The following REDIC1 variants were observed in gnomAD, a reference collection of about 807,000 sequenced individuals.
REDIC1 encodes HEI10 Interacting Protein 1.
the REDIC1 span, among the ~76,000 whole-genome samples, chr12:39,713,462 G>C: frequency 1.4e-5 from 2 of 147,122 alleles, no homozygotes. Context: ...ACATACATTT[G>C]TATATATACA....
chr12:39,763,720 C>T, the REDIC1 span, among the ~76,000 whole-genome samples: 2 of 152,070 alleles, frequency 1.3e-5, no homozygotes, highest in Non-Finnish European at 2.9e-5. Flanking sequence ...TAGAATGAAA[C>T]CTCATACTTC....
At chr12:39,820,941 C>G in the REDIC1 span, among the ~76,000 whole-genome samples, 1 of 151,674 alleles carries the variant, frequency 6.6e-6, no homozygotes, top group Non-Finnish European at 1.5e-5. Context: ...CACATTAGCC[C>G]CTACTTAAAA....
the REDIC1 span, among the ~76,000 whole-genome samples, chr12:39,906,510 G>C: frequency 6.6e-6 from 1 of 151,834 alleles, no homozygotes; most frequent in Non-Finnish European, 1.5e-5. Context: ...TATGAAACTT[G>C]AAAAAAACAG....
chr12:39,757,230 T>TATCA, the REDIC1 span: 2 of 151,808 alleles, frequency 1.3e-5, no homozygotes, highest in African/African-American at 4.8e-5. Flanking sequence ...AATATACCTC[T>TATCA]ATCAAATCTG....
the REDIC1 span, among the ~76,000 whole-genome samples, chr12:39,743,454 CA>C: frequency 3.9e-5 from 6 of 151,974 alleles, no homozygotes; most frequent in African/African-American, 1.5e-4. Flanking sequence ...TAGCTTTCAA[CA>C]AAAAATTACA....
the REDIC1 span, among the ~76,000 whole-genome samples, chr12:39,806,226 A>G: frequency 5.3e-5 from 8 of 152,296 alleles, no homozygotes; most frequent in East Asian, 1.5e-3. Flanking sequence ...CTTGCCTGGA[A>G]CCTCTAATGC....
At chr12:39,711,859 GTGT>G in the REDIC1 span, among the ~76,000 whole-genome samples, 167 of 75,404 alleles carry the variant, frequency 2.2e-3, 3 homozygotes, top group African/African-American at 8.6e-3. Context: ...GCATGTGTAT[GTGT>G]ATACACGTAT....
the REDIC1 span, among the ~76,000 whole-genome samples, chr12:39,709,548 G>T: frequency 7.1e-6 from 1 of 141,776 alleles, no homozygotes; most frequent in Admixed American, 7.5e-5. Flanking sequence ...TTTACCTTCT[G>T]TTTCTGTATT....
At chr12:39,840,767 G>T in the REDIC1 span, among the ~76,000 whole-genome samples, 1 of 151,978 alleles carries the variant, frequency 6.6e-6, no homozygotes, top group Non-Finnish European at 1.5e-5. Flanking sequence ...TGCTGTGTTT[G>T]CTTTCCCTTA....
At chr12:39,903,074 A>T in the REDIC1 span, among the ~76,000 whole-genome samples, 1 of 152,160 alleles carries the variant, frequency 6.6e-6, no homozygotes, top group Non-Finnish European at 1.5e-5. Flanking sequence ...GGCCATAGGA[A>T]CATCGTAATA....
the REDIC1 span, among the ~76,000 whole-genome samples, chr12:39,847,003 G>A: frequency 1.3e-5 from 2 of 152,118 alleles, no homozygotes; most frequent in African/African-American, 2.4e-5. Flanking sequence ...TGGTTTCAAA[G>A]GCCAAGGAAA....
At chr12:39,707,504 T>G in the REDIC1 span, among the ~76,000 whole-genome samples, 1 of 151,926 alleles carries the variant, frequency 6.6e-6, no homozygotes, top group East Asian at 1.9e-4. Context: ...ATCCCACTGC[T>G]GGATATATAC....
At chr12:39,713,255 TACGTGTATATATGTGTAC>T in the REDIC1 span, among the ~76,000 whole-genome samples, 14 of 91,292 alleles carry the variant, frequency 1.5e-4, no homozygotes, top group African/African-American at 2.6e-4. Context: ...TACACACACA[TACGTGTATATATGTGTAC>T]ACACACATAC....
chr12:39,734,176 T>C, the REDIC1 span, among the ~76,000 whole-genome samples: 7 of 152,170 alleles, frequency 4.6e-5, no homozygotes, highest in Admixed American at 3.3e-4. Flanking sequence ...TCCCAGACCC[T>C]TTGCGCTTCC....
At chr12:39,695,745 C>G in the REDIC1 span, among the ~76,000 whole-genome samples, 7 of 152,072 alleles carry the variant, frequency 4.6e-5, no homozygotes, top group African/African-American at 1.7e-4. Flanking sequence ...AGCCCTAGGG[C>G]CTTGAGAAAG....
chr12:39,839,585 C>T, the REDIC1 span, among the ~76,000 whole-genome samples: 1 of 152,030 alleles, frequency 6.6e-6, no homozygotes, highest in Non-Finnish European at 1.5e-5. Context: ...CTCTTTCCTA[C>T]AATGTTCTCA....
the REDIC1 span, among the ~76,000 whole-genome samples, chr12:39,823,299 C>T: frequency 6.6e-6 from 1 of 152,132 alleles, no homozygotes; most frequent in Non-Finnish European, 1.5e-5. Flanking sequence ...AGGAACACAG[C>T]TGGAGGTTTT....
chr12:39,754,605 G>A, the REDIC1 span, among the ~76,000 whole-genome samples: 2 of 152,066 alleles, frequency 1.3e-5, no homozygotes, highest in African/African-American at 4.8e-5. Flanking sequence ...GAGGCAGAAT[G>A]GCAAGGGAGA....
the REDIC1 span, among the ~76,000 whole-genome samples, chr12:39,770,840 T>G: frequency 6.6e-6 from 1 of 152,144 alleles, no homozygotes; most frequent in African/African-American, 2.4e-5. Flanking sequence ...TAAGTCCAAG[T>G]AAAGAAAAGT....
Sources: allele counts gnomAD v4.1 joint callset (sites outside exome capture counted in the v4.1 genomes callset), GRCh38; gene constraint gnomAD v4.1.1; transcripts MANE v1.5; gene names NCBI Gene and HGNC (gene_info 2026-07-23, HGNC 2026-07-21).